The following KIAA1328 variants were observed in gnomAD, a reference collection of about 807,000 sequenced individuals.
The protein encoded by KIAA1328 is KIAA1328, also known as protein hinderin.
In KIAA1328, 52 loss-of-function variants were observed where a neutral mutation model predicts 68.1. The ratio of observed to expected loss-of-function variants is 0.76; its 90% CI spans 0.61 to 0.96. KIAA1328 has a LOEUF of 0.96. Ranked by LOEUF, KIAA1328 falls within the 40% of genes least tolerant of loss-of-function variation. KIAA1328 has a pLI of 0.00. For synonymous variants in KIAA1328, 232 were observed against 239.4 expected (o/e 0.97, Z 0.28); for missense variants, 641 against 677.6 (o/e 0.95, Z 0.60).
At chr18:37,092,803 T>G (rs323321) in intron 7 of KIAA1328, among the ~76,000 whole-genome samples, 61,526 of 151,970 alleles carry the variant, frequency 0.4, 14,315 homozygotes, top group African/African-American at 0.64. Context: ...CAGACATGCT[T>G]CTTAGGGGCC....
chr18:37,185,250 C>G (rs2059773903), intron 9 of KIAA1328, among the ~76,000 whole-genome samples: 1 of 152,046 alleles, frequency 6.6e-6, no homozygotes, highest in South Asian at 2.1e-4. Context: ...CAGAGCAATT[C>G]CGTAGGAAGC....
At chr18:37,033,913 T>C (rs1412324598) in intron 6 of KIAA1328, among the ~76,000 whole-genome samples, 2 of 152,232 alleles carry the variant, frequency 1.3e-5, no homozygotes, top group Non-Finnish European at 2.9e-5. Flanking sequence ...ATACATACAG[T>C]GCCTGAATAG....
intron 6 of KIAA1328, among the ~76,000 whole-genome samples, chr18:37,063,240 T>G (rs1290270845): frequency 6.6e-6 from 1 of 152,192 alleles, no homozygotes. Context: ...GACTGCTTTC[T>G]GCTCCAGATG....
chr18:36,912,777 T>C (rs1357384697), intron 5 of KIAA1328, among the ~76,000 whole-genome samples: 1 of 152,184 alleles, frequency 6.6e-6, no homozygotes, highest in Non-Finnish European at 1.5e-5. Flanking sequence ...TCATCTAGAT[T>C]AGGCATGGGT....
intron 4 of KIAA1328, among the ~76,000 whole-genome samples, chr18:36,874,127 G>C (rs1302268816): frequency 3.3e-5 from 5 of 152,186 alleles, no homozygotes; most frequent in African/African-American, 1.2e-4. Context: ...TTGCTATTGT[G>C]AATAGTGCTG....
chr18:36,829,558 G>A, intron 1 of KIAA1328: 2 of 645,146 alleles, frequency 3.1e-6, no homozygotes, highest in Non-Finnish European at 4.1e-6. Flanking sequence ...TGCGGAGCTA[G>A]CTCGAAGTTG....
intron 1 of KIAA1328, 108 bp downstream of exon 1, chr18:36,829,304 C>T: frequency 1.4e-6 from 2 of 1,414,932 alleles, no homozygotes; most frequent in East Asian, 2.9e-5. Context: ...GAACTAACCC[C>T]GGGGATGGGG....
chr18:37,045,648 A>G (rs1338361318), intron 6 of KIAA1328, among the ~76,000 whole-genome samples: 1 of 152,162 alleles, frequency 6.6e-6, no homozygotes, highest in African/African-American at 2.4e-5. Context: ...CTTAATGTTT[A>G]TTGCTCAGCA....
At position 37,160,377 on chromosome 18, in the gene KIAA1328, AAG is replaced by A. The variant is rs770703128; in HGVS notation, c.1413_1414del (p.Gly472AspfsTer6). On this transcript the variant is annotated frameshift_variant and splice_region_variant, in exon 8 of 10. Coordinates refer to ENST00000280020, the MANE Select transcript of KIAA1328 (RefSeq NM_020776.3). LOFTEE classifies it high-confidence loss of function. ...AAAAGAAAGATACATGTAGACCCCA[AAG>A]AGGTAAGTTTAACAACTGTAGTGGC... ...CQKKDTCRPQRGTVTGVRKDA... is the reference protein window; with the variant it reads ...CQKKDTCRPQXGTVTGVRKDA... The A allele has an allele frequency of 1.2e-6, 2 of 1,611,792 alleles. No homozygotes were observed. Among genetic ancestry groups the A allele is most frequent in the Admixed American group, 3.3e-5 (2 of 59,738 alleles).
chr18:36,916,928 T>A (rs1405477360), intron 5 of KIAA1328, among the ~76,000 whole-genome samples: 1 of 152,000 alleles, frequency 6.6e-6, no homozygotes, highest in Non-Finnish European at 1.5e-5. Context: ...TCATTTTTTT[T>A]TTTTTTTAAA....
At chr18:37,014,508 A>G (rs1324609165) in intron 6 of KIAA1328, among the ~76,000 whole-genome samples, 1 of 152,150 alleles carries the variant, frequency 6.6e-6, no homozygotes, top group East Asian at 1.9e-4. Flanking sequence ...AGACTGGGTA[A>G]TTTATAAAGA....
chr18:36,851,932 T>C (rs1301711781), intron 4 of KIAA1328, among the ~76,000 whole-genome samples: 1 of 152,114 alleles, frequency 6.6e-6, no homozygotes, highest in Non-Finnish European at 1.5e-5. Flanking sequence ...CTATAAATTT[T>C]CCTCTGAGCA....
intron 6 of KIAA1328, among the ~76,000 whole-genome samples, chr18:37,061,588 T>C (rs2056150198): frequency 6.6e-6 from 1 of 152,216 alleles, no homozygotes. Context: ...GAGTTCGTGT[T>C]GGTTTAAGCC....
chr18:36,865,098 T>C (rs1408806834), intron 4 of KIAA1328, among the ~76,000 whole-genome samples: 2 of 152,030 alleles, frequency 1.3e-5, no homozygotes, highest in East Asian at 3.8e-4. Context: ...TTTGGACTTA[T>C]TTTCCTCTTC....
At chr18:37,107,677 A>G (rs2057810369) in intron 7 of KIAA1328, among the ~76,000 whole-genome samples, 1 of 152,196 alleles carries the variant, frequency 6.6e-6, no homozygotes, top group Non-Finnish European at 1.5e-5. Flanking sequence ...TTGTTGGTAT[A>G]TAGAAATGGC....
chr18:36,908,222 A>T (rs1306091312), intron 5 of KIAA1328, among the ~76,000 whole-genome samples: 2 of 152,112 alleles, frequency 1.3e-5, no homozygotes, highest in African/African-American at 4.8e-5. Flanking sequence ...GCTGTTTGTC[A>T]TTTCTTAAGC....
intron 6 of KIAA1328, among the ~76,000 whole-genome samples, chr18:37,058,397 A>G (rs1048849054): frequency 6.6e-6 from 1 of 152,176 alleles, no homozygotes; most frequent in African/African-American, 2.4e-5. Flanking sequence ...TATATATCAT[A>G]TGATTCCATT....
At chr18:36,877,347 T>C (rs1402365201) in intron 4 of KIAA1328, among the ~76,000 whole-genome samples, 2 of 152,186 alleles carry the variant, frequency 1.3e-5, no homozygotes, top group East Asian at 3.8e-4. Context: ...TTTATGAATG[T>C]AGGTGCTCCT....
chr18:37,002,252 A>G (rs2053617542), intron 6 of KIAA1328, among the ~76,000 whole-genome samples: 1 of 122,260 alleles, frequency 8.2e-6, no homozygotes, highest in African/African-American at 3.1e-5. Context: ...TTTTTTTGAG[A>G]CAGTATCTCA....
Sources: allele counts gnomAD v4.1 joint callset (sites outside exome capture counted in the v4.1 genomes callset), GRCh38; gene constraint gnomAD v4.1.1; transcripts MANE v1.5; gene names NCBI Gene and HGNC (gene_info 2026-07-23, HGNC 2026-07-21).